Variants in DSCAM observed in about 807,000 individuals in gnomAD.
DSCAM encodes the protein DS cell adhesion molecule.
Under a neutral mutation model 217.7 loss-of-function variants are expected in DSCAM, and 47 were observed. The ratio of observed to expected loss-of-function variants is 0.22; its 90% CI spans 0.17 to 0.28. The LOEUF (loss-of-function observed/expected upper bound fraction) is 0.28. Among genes scored for constraint, DSCAM ranks in the 10% least tolerant of loss-of-function variants. DSCAM has a pLI of 1.00. For synonymous variants in DSCAM, 1,056 were observed against 1,015.3 expected, an observed-to-expected ratio of 1.04 and a Z score of -0.76; for missense variants, 2,080 against 2,618.3, an observed-to-expected ratio of 0.79 and a Z score of 4.49.
chr21:40,131,035 A>G (rs905054516), intron 19 of DSCAM, among the ~76,000 whole-genome samples: 1 of 152,244 alleles, frequency 6.6e-6, no homozygotes, highest in Non-Finnish European at 1.5e-5. Context: ...AGCCTAAAAT[A>G]GTATCTTATT....
At chr21:40,103,363 A>T (rs2837429) in intron 20 of DSCAM, among the ~76,000 whole-genome samples, 32,001 of 152,134 alleles carry the variant, frequency 0.21, 3,627 homozygotes, top group East Asian at 0.27. Flanking sequence ...AACAAAATTG[A>T]TAGCTCTTTT....
At chr21:40,028,925 A>T (rs761449589) in intron 32 of DSCAM, among the ~76,000 whole-genome samples, 1 of 151,736 alleles carries the variant, frequency 6.6e-6, no homozygotes, top group African/African-American at 2.4e-5. Context: ...TGAAATGAGG[A>T]TAGCTATCCA....
At chr21:40,135,361 CT>C (rs752813633) in intron 18 of DSCAM, among the ~76,000 whole-genome samples, 1 of 152,218 alleles carries the variant, frequency 6.6e-6, no homozygotes, top group Non-Finnish European at 1.5e-5. Flanking sequence ...CAGCGCTATG[CT>C]ATTCTAAGTA....
chr21:40,821,093 G>GAGAGATATATATCTTCACATATATAT (rs2091921936), intron 1 of DSCAM, among the ~76,000 whole-genome samples: 3 of 129,318 alleles, frequency 2.3e-5, no homozygotes, highest in African/African-American at 5.9e-5. Context: ...CATATATAGA[G>GAGAGATATATATCTTCACATATATAT]AGATATATAT....
chr21:40,537,798 C>G (rs895843426), intron 3 of DSCAM, among the ~76,000 whole-genome samples: 4 of 152,178 alleles, frequency 2.6e-5, no homozygotes, highest in Non-Finnish European at 5.9e-5. Context: ...CTGCTGACTC[C>G]TTGATCTCAG....
chr21:40,430,143 A>G (rs903256431), intron 3 of DSCAM, among the ~76,000 whole-genome samples: 1 of 152,214 alleles, frequency 6.6e-6, no homozygotes, highest in Non-Finnish European at 1.5e-5. Context: ...TTGATGGAGA[A>G]TTAATCTTCA....
At chr21:40,715,895 C>A (rs1363605849) in intron 1 of DSCAM, among the ~76,000 whole-genome samples, 1 of 151,910 alleles carries the variant, frequency 6.6e-6, no homozygotes. Context: ...CTCTTGTATC[C>A]TAAAAGTAGT....
intron 32 of DSCAM, among the ~76,000 whole-genome samples, chr21:40,030,500 G>A (rs780807514): frequency 4.6e-5 from 7 of 152,148 alleles, no homozygotes; most frequent in Non-Finnish European, 1.0e-4. Flanking sequence ...GATCCTTCTG[G>A]TGGTCCAGAG....
chr21:40,659,872 A>C (rs2090120642), intron 3 of DSCAM, among the ~76,000 whole-genome samples: 1 of 152,234 alleles, frequency 6.6e-6, no homozygotes, highest in East Asian at 1.9e-4. Context: ...ACAGGTTGCC[A>C]AATAACATAC....
intron 30 of DSCAM, among the ~76,000 whole-genome samples, chr21:40,049,926 CTATT>C (rs2088901591): frequency 6.6e-6 from 1 of 152,234 alleles, no homozygotes; most frequent in South Asian, 2.1e-4. Flanking sequence ...CCTGTCTTAA[CTATT>C]TATGACTAGC....
At chr21:40,822,021 TA>T (rs376630916) in intron 1 of DSCAM, among the ~76,000 whole-genome samples, 1,700 of 129,144 alleles carry the variant, frequency 0.013, 14 homozygotes, top group African/African-American at 0.017. Context: ...AAATAAAAGT[TA>T]AAAAAAAAAA....
intron 14 of DSCAM, among the ~76,000 whole-genome samples, chr21:40,185,989 T>C (rs2090890514): frequency 6.6e-6 from 1 of 152,180 alleles, no homozygotes; most frequent in South Asian, 2.1e-4. Context: ...CAGTTGCAAC[T>C]CAGAGGCCGA....
At chr21:40,569,905 A>T (rs995154504) in intron 3 of DSCAM, among the ~76,000 whole-genome samples, 2 of 152,152 alleles carry the variant, frequency 1.3e-5, no homozygotes, top group Non-Finnish European at 2.9e-5. Flanking sequence ...GAATTAGCAA[A>T]CAGCAGAAAA....
intron 32 of DSCAM, among the ~76,000 whole-genome samples, chr21:40,031,775 G>C (rs2088529389): frequency 6.6e-6 from 1 of 152,126 alleles, no homozygotes. Flanking sequence ...CACTCTGCTG[G>C]CACCAGGGCC....
In DSCAM at chr21:40,144,805, C is replaced by A; in HGVS notation, c.3019-74G>T. 1.3e-6 allele frequency: 2 copies of A among 1,586,784 alleles called. No homozygotes were observed. Among genetic ancestry groups the A allele is most frequent in the Non-Finnish European group, 1.7e-6 (2 of 1,167,236 alleles). On this transcript the variant is annotated intron_variant, in intron 16 of 32. Coordinates refer to ENST00000400454, the MANE Select transcript of DSCAM (RefSeq NM_001389.5). This position sits in a 1 kb window ranked among gnomAD's most constrained non-coding sequence, Gnocchi z 4.8. The stretch of plus-strand genomic sequence containing the variant: ...AGAGCGAAATCAACGCCCACACCCA[C>A]GTAGGAAAGCAGAAATAAAGTGGAG...
At chr21:40,628,081 T>C (rs2089628672) in intron 3 of DSCAM, among the ~76,000 whole-genome samples, 1 of 152,182 alleles carries the variant, frequency 6.6e-6, no homozygotes, top group Admixed American at 6.5e-5. Flanking sequence ...CCCAGCACAA[T>C]GAAACCACAA....
chr21:40,705,981 C>A (rs530041186), intron 2 of DSCAM, among the ~76,000 whole-genome samples: 14 of 152,094 alleles, frequency 9.2e-5, no homozygotes, highest in Admixed American at 2.6e-4. Flanking sequence ...GAGATGGAGA[C>A]CATCCTGGCT....
At chr21:40,763,410 G>C (rs1187323262) in intron 1 of DSCAM, among the ~76,000 whole-genome samples, 1 of 152,124 alleles carries the variant, frequency 6.6e-6, no homozygotes, top group Non-Finnish European at 1.5e-5. Flanking sequence ...CCTCTTCAAG[G>C]AGAACTACAA....
intron 3 of DSCAM, among the ~76,000 whole-genome samples, chr21:40,521,554 T>A (rs1302425914): frequency 7.0e-6 from 1 of 142,116 alleles, no homozygotes; most frequent in African/African-American, 2.8e-5. Context: ...CATTTGTATA[T>A]CTTCTTTTTA....
Sources: allele counts gnomAD v4.1 joint callset (sites outside exome capture counted in the v4.1 genomes callset), GRCh38; gene constraint gnomAD v4.1.1; non-coding constraint Gnocchi (gnomAD v3.1); transcripts MANE v1.5; gene names NCBI Gene and HGNC (gene_info 2026-07-23, HGNC 2026-07-21).